NALCN: variants seen among roughly 807,000 people sequenced by gnomAD.
NALCN encodes sodium leak channel, non-selective.
Under a neutral mutation model 225.3 loss-of-function variants are expected in NALCN, and 111 were observed. The observed-to-expected ratio is 0.49, with a 90% CI of 0.42 to 0.58. The LOEUF (loss-of-function observed/expected upper bound fraction) is 0.58. Among genes scored for constraint, NALCN ranks in the 20% least tolerant of loss-of-function variants. The pLI is 0.00. For missense variants in NALCN, 1,378 were observed against 2,202.4 expected (o/e 0.63, Z 7.49); for synonymous variants, 764 against 769.0 (o/e 0.99, Z 0.11).
chr13:101,057,236 G>T (rs1226200417), intron 43 of NALCN: 2 of 152,408 alleles, frequency 1.3e-5, no homozygotes, highest in African/African-American at 2.4e-5. Context: ...GGGGAGCATT[G>T]CTCTCCCTCC....
At chr13:101,075,247 A>T (rs1456578539) in intron 35 of NALCN, among the ~76,000 whole-genome samples, 1 of 152,086 alleles carries the variant, frequency 6.6e-6, no homozygotes, top group Non-Finnish European at 1.5e-5. Flanking sequence ...ATATTAAAAA[A>T]TCTGGAATCT....
At chr13:101,225,653 G>T (rs2041113629) in intron 13 of NALCN, among the ~76,000 whole-genome samples, 1 of 152,150 alleles carries the variant, frequency 6.6e-6, no homozygotes, top group Admixed American at 6.5e-5. Context: ...GCTGAAAAAG[G>T]GGGTCTCTGC....
At chr13:101,260,203 A>T (rs2042379067) in intron 10 of NALCN, among the ~76,000 whole-genome samples, 2 of 152,112 alleles carry the variant, frequency 1.3e-5, no homozygotes, top group South Asian at 4.1e-4. Context: ...AAATGACTGG[A>T]TCTTGTTCTT....
intron 17 of NALCN, among the ~76,000 whole-genome samples, chr13:101,141,835 A>T (rs1474083024): frequency 6.6e-6 from 1 of 152,184 alleles, no homozygotes; most frequent in Admixed American, 6.5e-5. Context: ...TATGGATTTC[A>T]CTATAAGCAA....
At chr13:101,197,606 C>T (rs1378715704) in intron 13 of NALCN, among the ~76,000 whole-genome samples, 1 of 152,158 alleles carries the variant, frequency 6.6e-6, no homozygotes, top group Non-Finnish European at 1.5e-5. Context: ...GGGTCAATCA[C>T]TGTTAATGCT....
chr13:101,114,369 G>T (rs116781957), intron 18 of NALCN, among the ~76,000 whole-genome samples: 1,576 of 152,066 alleles, frequency 0.01, 37 homozygotes, highest in African/African-American at 0.036. Context: ...ATTATTTCCT[G>T]TTGTATCTTT....
rs750742839 is a variant in NALCN at position 101,081,694 on chromosome 13, A to G, written c.3766-48T>C. 1.4e-5 allele frequency: 23 copies of G among 1,599,944 alleles called. No homozygotes were observed. In the South Asian group the frequency reaches 2.6e-4, roughly 18 times the overall value. Reference sequence around the variant, plus strand: ...AATAAACAGAGAGAGTGTTTAGTACATATTTAAATGTATTAACTTGAGATG... The same window carrying G: ...AATAAACAGAGAGAGTGTTTAGTACGTATTTAAATGTATTAACTTGAGATG... On this transcript the variant is annotated intron_variant, in intron 33 of 43. Transcript: ENST00000251127.
At chr13:101,194,665 T>A (rs2039818164) in intron 13 of NALCN, among the ~76,000 whole-genome samples, 1 of 152,142 alleles carries the variant, frequency 6.6e-6, no homozygotes, top group Non-Finnish European at 1.5e-5. Flanking sequence ...AAGAATTGTA[T>A]AATTGAGAGG....
intron 14 of NALCN, among the ~76,000 whole-genome samples, chr13:101,177,348 G>A (rs1260869899): frequency 6.7e-6 from 1 of 149,704 alleles, no homozygotes; most frequent in East Asian, 1.9e-4. Context: ...CACAGCAACA[G>A]ATACCTAATA....
rs540819175 is a variant in NALCN, at chr13:101,339,292, C to T, written c.799+5974G>A. Among the ~76,000 whole-genome samples, 3 of 152,294 alleles carry T rather than the reference C, an allele frequency of 2.0e-5. No homozygotes were observed. In the East Asian group the frequency reaches 5.8e-4, roughly 29 times the overall value. The stretch of plus-strand genomic sequence containing the variant: ...TACTGCAATCACGGAATCTCAATGT[C>T]TGCTAAATAAATTTTGCGATTTTGC... On this transcript the variant is annotated intron_variant, in intron 7 of 43. Coordinates refer to ENST00000251127, the MANE Select transcript of NALCN (RefSeq NM_052867.4).
In NALCN at chr13:101,353,557, C is replaced by T. The variant is rs546458533; in HGVS notation, c.645-8137G>A. 3.3e-5 allele frequency among the ~76,000 whole-genome samples: 5 copies of T among 152,280 alleles called. No homozygotes were observed. In the South Asian group the frequency reaches 6.2e-4, roughly 19 times the overall value. On this transcript the variant is annotated intron_variant, in intron 6 of 43. Transcript: ENST00000251127. ...TTATTTATTGATTTTGGAAAACTTT[C>T]AATGGCTCCGCCTGGACTTTTAGTG...
At chr13:101,078,406 T>C (rs1454789557) in intron 34 of NALCN, among the ~76,000 whole-genome samples, 1 of 152,152 alleles carries the variant, frequency 6.6e-6, no homozygotes, top group Non-Finnish European at 1.5e-5. Flanking sequence ...AAAGCCACAA[T>C]GGTGGAGCTG....
intron 20 of NALCN, among the ~76,000 whole-genome samples, chr13:101,109,288 T>C (rs1014958153): frequency 1.3e-5 from 2 of 152,222 alleles, no homozygotes; most frequent in Non-Finnish European, 2.9e-5. Context: ...GATAGAGCTA[T>C]GGATATTAAA....
intron 40 of NALCN, among the ~76,000 whole-genome samples, chr13:101,064,559 T>TACACACACACACACAC (rs57799563): frequency 1.3e-5 from 2 of 148,188 alleles, no homozygotes; most frequent in Non-Finnish European, 3.0e-5. Context: ...TGAACATAGA[T>TACACACACACACACAC]ACACACACAC....
intron 13 of NALCN, among the ~76,000 whole-genome samples, chr13:101,197,968 T>C (rs983171128): frequency 2.6e-5 from 4 of 152,174 alleles, no homozygotes; most frequent in African/African-American, 9.6e-5. Flanking sequence ...CAGACTGCAA[T>C]GATTTTTACC....
intron 3 of NALCN, among the ~76,000 whole-genome samples, chr13:101,391,040 C>T (rs531720183): frequency 6.6e-6 from 1 of 151,254 alleles, no homozygotes; most frequent in African/African-American, 2.4e-5. Flanking sequence ...GCACATGTAC[C>T]CTAGAACTTA....
chr13:101,214,479 A>T (rs1419331072), intron 13 of NALCN, among the ~76,000 whole-genome samples: 1 of 151,072 alleles, frequency 6.6e-6, no homozygotes, highest in South Asian at 2.1e-4. Context: ...GAGTCCATGG[A>T]GTACTGTTTC....
chr13:101,150,860 T>C (rs904076190), intron 15 of NALCN, among the ~76,000 whole-genome samples: 2 of 152,228 alleles, frequency 1.3e-5, no homozygotes, highest in African/African-American at 4.8e-5. Context: ...TTTAAGATCA[T>C]GATTCTTGAA....
rs2031698980 is a variant in NALCN at position 101,059,846 on chromosome 13, T to C, written c.4877A>G (p.Asn1626Ser). 3 of 1,613,978 alleles carry C rather than the reference T, an allele frequency of 1.9e-6. No homozygotes were observed. Among genetic ancestry groups the C allele is most frequent in the African/African-American group, 2.7e-5 (2 of 74,886 alleles). Residue 1626 changes from asparagine (N) to serine (S), a missense_variant, in exon 42 of 44, where the codon AAC becomes AGC. This residue lies in a region of NALCN where 145 missense variants were observed against 169.6 expected (regional missense o/e 0.85). Transcript: ENST00000251127. ...AGGTTGCATGCTGTTGTCCTGACTG[T>C]TGGCATTCGTGTCCTCACTGGGCTG... is the stretch of plus-strand genomic sequence containing the variant. ...TTQPSEDTNANSQDNSMQPET... is the reference protein window; with the variant it reads ...TTQPSEDTNASSQDNSMQPET...
Sources: allele counts gnomAD v4.1 joint callset (sites outside exome capture counted in the v4.1 genomes callset), GRCh38; gene constraint gnomAD v4.1.1; regional missense constraint gnomAD v4.1.1; transcripts MANE v1.5; gene names NCBI Gene and HGNC (gene_info 2026-07-23, HGNC 2026-07-21).